The following FBN2 variants were observed in gnomAD, a reference collection of about 807,000 sequenced individuals.
The protein encoded by FBN2 is fibrillin-2.
A neutral mutation model predicts 355.6 loss-of-function variants in FBN2; 105 were observed. The observed-to-expected ratio is 0.30, with a 90% confidence interval of 0.25 to 0.35. The LOEUF is 0.35. FBN2 is among the 10% of genes least tolerant of loss of function. The pLI is 1.00. For missense variants in FBN2, 3,280 were observed against 3,758.7 expected (o/e 0.87, Z 3.33); for synonymous variants, 1,350 against 1,301.2 (o/e 1.04, Z -0.81).
intron 55 of FBN2, 146 bp from the exon 56 acceptor site, chr5:128,280,463 A>G: frequency 3.1e-6 from 2 of 654,064 alleles, no homozygotes; most frequent in Non-Finnish European, 5.4e-6. Flanking sequence ...GTGAATATTA[A>G]TTTATTTTTA....
intron 6 of FBN2, among the ~76,000 whole-genome samples, chr5:128,449,579 G>C (rs894809968): frequency 6.0e-5 from 9 of 150,984 alleles, no homozygotes; most frequent in Admixed American, 2.0e-4. Flanking sequence ...TCCAACTGTG[G>C]AGATAAACTG....
chr5:128,456,291 G>A (rs779818774), intron 6 of FBN2, among the ~76,000 whole-genome samples: 1 of 152,094 alleles, frequency 6.6e-6, no homozygotes, highest in Non-Finnish European at 1.5e-5. Flanking sequence ...ACAGAATTTG[G>A]ATCTCCCTGG....
At chr5:128,494,516 A>C (rs1453080496) in intron 5 of FBN2, among the ~76,000 whole-genome samples, 3 of 152,190 alleles carry the variant, frequency 2.0e-5, no homozygotes, top group Non-Finnish European at 4.4e-5. Context: ...CAGACTATGG[A>C]GCAATTTATA....
intron 5 of FBN2, among the ~76,000 whole-genome samples, chr5:128,475,614 G>T (rs533607648): frequency 6.6e-6 from 1 of 152,170 alleles, no homozygotes; most frequent in South Asian, 2.1e-4. Flanking sequence ...CACACTTTCA[G>T]GTTAGAATGG....
intron 2 of FBN2, among the ~76,000 whole-genome samples, chr5:128,536,064 A>AT (rs1490002428): frequency 6.6e-6 from 1 of 152,136 alleles, no homozygotes; most frequent in Non-Finnish European, 1.5e-5. Flanking sequence ...TCTCATCTGG[A>AT]TTTTTTACAG....
intron 34 of FBN2, 123 bp downstream of exon 34, chr5:128,328,573 C>T: frequency 9.7e-7 from 1 of 1,029,210 alleles, no homozygotes; most frequent in South Asian, 1.3e-5. Flanking sequence ...AAACGAATGA[C>T]TTTTATAGTG....
At chr5:128,267,494 A>T (rs553127044) in intron 62 of FBN2, among the ~76,000 whole-genome samples, 7 of 152,188 alleles carry the variant, frequency 4.6e-5, no homozygotes, top group African/African-American at 1.7e-4. Context: ...TTGTTTCTTG[A>T]CTTTTTAATA....
At chr5:128,366,069 CTTTT>C (rs935500355) in intron 17 of FBN2, among the ~76,000 whole-genome samples, 1 of 151,880 alleles carries the variant, frequency 6.6e-6, no homozygotes, top group South Asian at 2.1e-4. Flanking sequence ...ACTTATTCTT[CTTTT>C]TTTAACTTAA....
intron 15 of FBN2, among the ~76,000 whole-genome samples, chr5:128,369,624 G>A (rs1176441720): frequency 3.3e-5 from 5 of 152,158 alleles, no homozygotes; most frequent in Non-Finnish European, 7.4e-5. Flanking sequence ...TGAAACCTAG[G>A]ATATTTCCAC....
chr5:128,465,288 C>T (rs1252106819), intron 5 of FBN2, among the ~76,000 whole-genome samples: 1 of 152,252 alleles, frequency 6.6e-6, no homozygotes. Flanking sequence ...AAGTTCTGGT[C>T]ATGCTAGACC....
At chr5:128,296,674 G>A (rs1028841140) in intron 48 of FBN2, among the ~76,000 whole-genome samples, 28 of 152,112 alleles carry the variant, frequency 1.8e-4, no homozygotes, top group African/African-American at 5.8e-4. Context: ...CTGTGGGATC[G>A]ATGGTGATAT....
At chr5:128,432,541 C>G (rs1428150379) in intron 7 of FBN2, among the ~76,000 whole-genome samples, 3 of 152,102 alleles carry the variant, frequency 2.0e-5, no homozygotes, top group African/African-American at 7.2e-5. Context: ...GACAGTATGA[C>G]CTGCAAAGCC....
chr5:128,443,775 A>G (rs978657705), intron 7 of FBN2, among the ~76,000 whole-genome samples: 1 of 152,246 alleles, frequency 6.6e-6, no homozygotes, highest in Non-Finnish European at 1.5e-5. Context: ...ATCATCTTAA[A>G]TCTGCCAATA....
At chr5:128,267,105 T>C (rs1449827802) in intron 62 of FBN2, among the ~76,000 whole-genome samples, 2 of 152,186 alleles carry the variant, frequency 1.3e-5, no homozygotes, top group Non-Finnish European at 2.9e-5. Flanking sequence ...GTTAGTTTGC[T>C]GCGGATGATG....
At chr5:128,265,896 G>A (rs1765103158) in intron 62 of FBN2, among the ~76,000 whole-genome samples, 1 of 152,196 alleles carries the variant, frequency 6.6e-6, no homozygotes, top group African/African-American at 2.4e-5. Context: ...ACTGTCTGAT[G>A]CATTGACTAA....
intron 39 of FBN2, among the ~76,000 whole-genome samples, chr5:128,310,398 A>AT (rs1750018484): frequency 8.9e-5 from 1 of 11,220 alleles, no homozygotes; most frequent in Non-Finnish European, 2.1e-4. Flanking sequence ...ATATATATAT[A>AT]TATATTTTTT....
In FBN2 at chr5:128,263,498, T is replaced by C; in HGVS notation, c.8119A>G (p.Asn2707Asp). 1 of 1,614,072 alleles carries C rather than the reference T, an allele frequency of 6.2e-7. No individual in the cohort carries two copies. The highest frequency in any genetic ancestry group is 8.5e-7 in the Non-Finnish European group (1 of 1,179,994). The change falls in exon 63 of 65, where the codon AAT becomes GAT. Residue 2707 changes from asparagine (N) to aspartate (D), a missense_variant. Coordinates refer to ENST00000262464, the MANE Select transcript of FBN2 (RefSeq NM_001999.4). The part of the protein sequence containing the change: ...NECSSSKNPC[N>D]YGCSNTEGGY... ...CCCTCCGTGTTAGAGCAGCCGTAAT[T>C]GCAGGGGTTCTTGGAGGACGAGCAC...
At chr5:128,309,116 A>T (rs561277824) in intron 41 of FBN2, 131 bp downstream of exon 41, 1 of 881,252 alleles carries the variant, frequency 1.1e-6, no homozygotes, top group Non-Finnish European at 1.8e-6. Context: ...AAACAGAACC[A>T]TATGATGCTC....
chr5:128,378,872 G>C lies in FBN2; in HGVS notation c.1622C>G (p.Ser541Ter). 1 of 1,613,060 alleles carries C rather than the reference G, an allele frequency of 6.2e-7. No individual in the cohort carries two copies. The highest frequency in any genetic ancestry group is 8.5e-7 in the Non-Finnish European group (1 of 1,179,228). ...GDCIDVDECT[S>*]NPCTNGDCVN... The stretch of plus-strand genomic sequence containing the variant: ...ACAATCTCCATTAGTGCAGGGATTT[G>C]ATGTGCATTCATCAACATCTGTGAG... The change falls in exon 12 of 65, where the codon TCA becomes TGA. Residue 541 changes from serine (S) to a stop codon, truncating the protein, a stop_gained. Transcript: ENST00000262464. LOFTEE classifies it high-confidence loss of function.
Sources: allele counts gnomAD v4.1 joint callset (sites outside exome capture counted in the v4.1 genomes callset), GRCh38; gene constraint gnomAD v4.1.1; transcripts MANE v1.5; gene names NCBI Gene and HGNC (gene_info 2026-07-23, HGNC 2026-07-21).